The following GSK3B variants were observed in gnomAD, a reference collection of about 807,000 sequenced individuals.
The protein encoded by GSK3B is glycogen synthase kinase 3 beta.
Under a neutral mutation model 56.4 loss-of-function variants are expected in GSK3B, and 15 were observed. The ratio of observed to expected loss-of-function variants is 0.27; its 90% CI spans 0.18 to 0.41. The LOEUF is 0.41. Ranked by LOEUF, GSK3B falls within the 10% of genes least tolerant of loss-of-function variation. The probability of loss-of-function intolerance (pLI) is 1.00; values close to 1 mark genes in which losing one functional copy is unlikely to be tolerated. For missense variants in GSK3B, 300 were observed against 513.4 expected (o/e 0.58, Z 4.02); for synonymous variants, 181 against 188.9 (o/e 0.96, Z 0.34).
In GSK3B at chr3:119,865,001, C is replaced by T. The variant is rs1183112098; in HGVS notation, c.910-1396G>A. Reference sequence around the variant, plus strand: ...CTTTATTCTTTTGAATACTCTGACTCGCCTCAGTCAAGGAAACCTTAGAGT... The same window carrying T: ...CTTTATTCTTTTGAATACTCTGACTTGCCTCAGTCAAGGAAACCTTAGAGT... On this transcript the variant is annotated intron_variant, in intron 8 of 10. Transcript: ENST00000264235. 2.0e-5 allele frequency among the ~76,000 whole-genome samples: 3 copies of T among 152,186 alleles called. No homozygotes were observed. In the East Asian group the frequency reaches 5.8e-4, roughly 29 times the overall value.
chr3:119,884,458 G>C (rs1436228635), intron 7 of GSK3B, among the ~76,000 whole-genome samples: 1 of 152,148 alleles, frequency 6.6e-6, no homozygotes, highest in Admixed American at 6.6e-5. Context: ...CAGTGTGCTA[G>C]ACACATCAAT....
intron 1 of GSK3B, 124 bp from the exon 2 acceptor site, chr3:120,002,363 A>C: frequency 2.2e-6 from 1 of 448,528 alleles, no homozygotes; most frequent in Non-Finnish European, 3.7e-6. Context: ...TTTGAGATGG[A>C]GTCTCACTCT....
intron 7 of GSK3B, among the ~76,000 whole-genome samples, chr3:119,905,295 C>T (rs1167204597): frequency 6.6e-6 from 1 of 151,684 alleles, no homozygotes; most frequent in African/African-American, 2.4e-5. Context: ...ATGATCTAGC[C>T]AGACAGGTAG....
intron 2 of GSK3B, among the ~76,000 whole-genome samples, chr3:119,974,658 A>G (rs1269860183): frequency 1.3e-5 from 2 of 152,250 alleles, no homozygotes; most frequent in Non-Finnish European, 2.9e-5. Flanking sequence ...CAATGGACTA[A>G]GACAAGACCT....
At chr3:120,024,780 T>G (rs541107273) in intron 1 of GSK3B, among the ~76,000 whole-genome samples, 82 of 152,200 alleles carry the variant, frequency 5.4e-4, no homozygotes, top group African/African-American at 2.0e-3. Context: ...GTATTTCAGC[T>G]GAAATTCTGA....
chr3:120,081,977 T>C (rs112735307), intron 1 of GSK3B, among the ~76,000 whole-genome samples: 1 of 152,152 alleles, frequency 6.6e-6, no homozygotes, highest in Non-Finnish European at 1.5e-5. Context: ...GGAAATAATA[T>C]ATGACAAAGA....
intron 3 of GSK3B, among the ~76,000 whole-genome samples, chr3:119,930,682 A>G (rs960913990): frequency 6.6e-6 from 1 of 152,280 alleles, no homozygotes; most frequent in Non-Finnish European, 1.5e-5. Context: ...CAAACTTGAC[A>G]GTAATACATC....
chr3:119,952,596 G>C (rs576183990), intron 2 of GSK3B, among the ~76,000 whole-genome samples: 3 of 148,410 alleles, frequency 2.0e-5, no homozygotes, highest in Non-Finnish European at 4.5e-5. Flanking sequence ...TAAACAGTTT[G>C]AAGCCACCAA....
At chr3:119,866,537 C>G (rs1370168881) in intron 8 of GSK3B, 4 of 1,112,546 alleles carry the variant, frequency 3.6e-6, no homozygotes, top group Non-Finnish European at 5.5e-6. Flanking sequence ...AGATTTCCCC[C>G]AAGTTTTATA....
chr3:119,868,827 G>C (rs1219222741), intron 8 of GSK3B, among the ~76,000 whole-genome samples: 1 of 152,004 alleles, frequency 6.6e-6, no homozygotes, highest in Non-Finnish European at 1.5e-5. Context: ...TACTCCTAAA[G>C]AGCAACTCCA....
intron 1 of GSK3B, among the ~76,000 whole-genome samples, chr3:120,086,271 A>C (rs1244276754): frequency 6.6e-6 from 1 of 152,172 alleles, no homozygotes; most frequent in Non-Finnish European, 1.5e-5. Context: ...TAATAAATGT[A>C]GATGGACAAT....
intron 7 of GSK3B, among the ~76,000 whole-genome samples, chr3:119,886,635 A>G (rs745681455): frequency 6.6e-6 from 1 of 152,164 alleles, no homozygotes; most frequent in African/African-American, 2.4e-5. Flanking sequence ...ATGCCCATCA[A>G]CAGTGGACTA....
chr3:119,856,577 C>T (rs1466081376), intron 9 of GSK3B, among the ~76,000 whole-genome samples: 1 of 152,082 alleles, frequency 6.6e-6, no homozygotes, highest in Non-Finnish European at 1.5e-5. Flanking sequence ...GCTGTAGTTA[C>T]CTGAACTAAA....
Position 119,947,220 on chromosome 3 carries a change from A to C in GSK3B, c.366+48T>G, listed in dbSNP as rs756566653. On this transcript the variant is annotated intron_variant, in intron 3 of 10. Transcript: ENST00000264235. The stretch of plus-strand genomic sequence containing the variant: ...GGTGGGGAGATTAATTTCTAGAAAA[A>C]TAACAAATTTATCACAATATTCAGT... 5 of 1,094,616 alleles carry C rather than the reference A, an allele frequency of 4.6e-6. No individual in the cohort carries two copies. The East Asian group carries it at 1.2e-4, about 26-fold the overall frequency. 67.8% of individuals were successfully genotyped at this position (1,094,616 alleles called of 1,614,324 possible). A position where few individuals can be genotyped will look rare whatever the true frequency, so the allele number is the denominator to read the frequency against.
chr3:120,040,419 G>A, intron 1 of GSK3B, among the ~76,000 whole-genome samples: 1 of 152,188 alleles, frequency 6.6e-6, no homozygotes, highest in East Asian at 1.9e-4. Context: ...AAGGGTGCAA[G>A]AAACCTCCAG....
At chr3:120,081,821 AG>A (rs1401938044) in intron 1 of GSK3B, among the ~76,000 whole-genome samples, 1 of 152,226 alleles carries the variant, frequency 6.6e-6, no homozygotes, top group Non-Finnish European at 1.5e-5. Context: ...CACATTAACA[AG>A]AATACAAGGA....
At chr3:119,987,963 T>C (rs2057531821) in intron 2 of GSK3B, among the ~76,000 whole-genome samples, 2 of 152,348 alleles carry the variant, frequency 1.3e-5, no homozygotes, top group South Asian at 4.1e-4. Context: ...AATTATTGTG[T>C]GTCATCCTTG....
intron 3 of GSK3B, among the ~76,000 whole-genome samples, chr3:119,927,837 G>C (rs2056902904): frequency 6.6e-6 from 1 of 151,984 alleles, no homozygotes; most frequent in South Asian, 2.1e-4. Flanking sequence ...CAACACAGGG[G>C]ACTTAGCAAA....
intron 2 of GSK3B, among the ~76,000 whole-genome samples, chr3:119,994,424 C>T (rs939557355): frequency 6.6e-6 from 1 of 152,058 alleles, no homozygotes; most frequent in African/African-American, 2.4e-5. Flanking sequence ...TTAATGCATA[C>T]TAAAACTAGT....
Sources: allele counts gnomAD v4.1 joint callset (sites outside exome capture counted in the v4.1 genomes callset), GRCh38; gene constraint gnomAD v4.1.1; transcripts MANE v1.5; gene names NCBI Gene and HGNC (gene_info 2026-07-23, HGNC 2026-07-21).